CCDC9: variants seen among roughly 807,000 people sequenced by gnomAD.
CCDC9 encodes the protein coiled-coil domain containing 9, also known as coiled-coil domain-containing protein 9.
CCDC9 carries 52 observed loss-of-function variants against 65.6 expected under a neutral mutation model. The ratio of observed to expected loss-of-function variants is 0.79; its 90% confidence interval spans 0.63 to 1.00. The LOEUF (loss-of-function observed/expected upper bound fraction) is 1.00. Among genes scored for constraint, CCDC9 ranks in the 50% least tolerant of loss-of-function variants. The pLI, the probability that CCDC9 is intolerant of heterozygous loss-of-function variation, is 0.00. For missense variants in CCDC9, 834 were observed against 757.2 expected (o/e 1.10, Z -1.19); for synonymous variants, 332 against 280.3 (o/e 1.18, Z -1.84).
At chr19:47,257,010 CAATGGCGGGGGCGGGGCCACAATGT>C (rs1460404709) in intron 1 of CCDC9, among the ~76,000 whole-genome samples, 1 of 129,070 alleles carries the variant, frequency 7.7e-6, no homozygotes, top group Non-Finnish European at 1.6e-5. Context: ...GAGGCTGACG[CAATGGCGGGGGCGGGGCCACAATGT>C]AGTGGGGGAG....
chr19:47,266,601 TG>T lies in CCDC9; in HGVS notation c.721-4del. ...GACATCACCCTGACTCCCTGTGGGC[TG>T]GGGGGCAGGGCCGCCGAGCTGGCCT... is the stretch of plus-strand genomic sequence containing the variant. On this transcript the variant is annotated splice_polypyrimidine_tract_variant and intron_variant, in intron 7 of 11. Coordinates refer to ENST00000221922, the MANE Select transcript of CCDC9 (RefSeq NM_015603.3). 7 of 1,514,826 alleles carry T rather than the reference TG, an allele frequency of 4.6e-6. No individual in the cohort carries two copies. The highest frequency in any genetic ancestry group is 2.5e-5 in the East Asian group (1 of 40,642). The allele number at this position is 1,514,826 out of a possible 1,614,324, so 93.8% of individuals were successfully genotyped here. A position where few individuals can be genotyped will look rare whatever the true frequency, so the allele number is the denominator to read the frequency against.
chr19:47,269,970 CTTTG>C (rs1002244181), intron 8 of CCDC9, among the ~76,000 whole-genome samples: 2 of 151,064 alleles, frequency 1.3e-5, no homozygotes, highest in South Asian at 2.1e-4. Context: ...TGGTCCTATC[CTTTG>C]TTTTTTTTTT....
At chr19:47,265,064 C>CT (rs201113712) in intron 7 of CCDC9, 118 bp downstream of exon 7, 88,403 of 645,350 alleles carry the variant, frequency 0.14, 1,540 homozygotes, top group South Asian at 0.2. Flanking sequence ...CAGCACAGGA[C>CT]TTTTTTTTTT....
chr19:47,257,096 A>G (rs955040977), intron 1 of CCDC9, among the ~76,000 whole-genome samples: 4 of 144,274 alleles, frequency 2.8e-5, no homozygotes, highest in Non-Finnish European at 4.5e-5. Context: ...GTGGAGCCAG[A>G]AAGTTTCGTC....
intron 3 of CCDC9, among the ~76,000 whole-genome samples, chr19:47,259,772 C>G (rs536048462): frequency 2.6e-5 from 4 of 152,184 alleles, no homozygotes; most frequent in South Asian, 2.1e-4. Flanking sequence ...CAGATTCTGC[C>G]GTAGTGGAGG....
At chr19:47,272,322 G>C (rs2059129317), downstream of CCDC9, among the ~76,000 whole-genome samples, 1 of 151,976 alleles carries the variant, frequency 6.6e-6, no homozygotes. Flanking sequence ...TGGGGGGCTG[G>C]AGCCGGGTGG....
chr19:47,258,529 T>G (rs1568635297), intron 2 of CCDC9, 30 bp from the exon 3 acceptor site: 1 of 1,601,132 alleles, frequency 6.2e-7, no homozygotes. Flanking sequence ...AGGTTTTTCC[T>G]TCCATCCCTC....
At chr19:47,267,338 G>A (rs1264254259) in intron 8 of CCDC9, among the ~76,000 whole-genome samples, 1 of 152,030 alleles carries the variant, frequency 6.6e-6, no homozygotes, top group African/African-American at 2.4e-5. Context: ...GAGTGCAGTG[G>A]GAGGATCTCA....
At position 47,266,614 on chromosome 19, in the gene CCDC9, C is replaced by T. The variant is rs779926142; in HGVS notation, c.724C>T (p.Arg242Cys). Residue 242 changes from arginine to cysteine, a missense_variant, in exon 8 of 12, where the codon CGC (arginine) becomes TGC (cysteine). Physicochemically the swap from Arg to Cys is radical, Grantham distance 180 (BLOSUM62 -3). Transcript: ENST00000221922. ...RCGLEHERQG[R>C]RAGLGSAGDM... is the part of the protein sequence containing the mutation. ...CTCCCTGTGGGCTGGGGGGCAGGGC[C>T]GCCGAGCTGGCCTGGGCAGTGCTGG... The T allele has an allele frequency of 5.0e-5, 76 of 1,530,878 alleles. No homozygotes were observed. Among genetic ancestry groups the T allele is most frequent in the Admixed American group, 2.0e-5 (1 of 49,994 alleles). The allele number at this position is 1,530,878 out of a possible 1,614,324, so 94.8% of individuals were successfully genotyped here.
chr19:47,266,914 A>G, intron 8 of CCDC9, 122 bp downstream of exon 8: 1 of 1,192,338 alleles, frequency 8.4e-7, no homozygotes, highest in East Asian at 2.7e-5. Context: ...AAGTATCCTG[A>G]GATGCCATGG....
intron 7 of CCDC9, chr19:47,266,178 G>A (rs12459504): frequency 0.027 from 4,219 of 154,366 alleles, 77 homozygotes; most frequent in Non-Finnish European, 0.042. Context: ...TGTATTTTTA[G>A]TAGAGACAGG....
Position 47,260,069 on chromosome 19 carries a change from G to A in CCDC9, c.109-252G>A, listed in dbSNP as rs546255855. ...TGGGGAGAGGGTGAGAGATGAGGTC[G>A]GGGAGGTACCAAGGCCAGACCCCAC... On this transcript the variant is annotated intron_variant, in intron 3 of 11. Coordinates refer to ENST00000221922, the MANE Select transcript of CCDC9 (RefSeq NM_015603.3). Among the ~76,000 whole-genome samples, 636 of 152,266 alleles carry A rather than the reference G, an allele frequency of 4.2e-3. 6 individuals are homozygous for A. The highest frequency in any genetic ancestry group is 0.014 in the African/African-American group (593 of 41,530).
At chr19:47,272,295 G>C (rs1251184993), downstream of CCDC9, 6 of 591,908 alleles carry the variant, frequency 1.0e-5, no homozygotes, top group Admixed American at 2.2e-4. Context: ...GGTGAAAAGG[G>C]TGAGCTCGGA....
At chr19:47,261,046 C>G (rs937774828) in intron 5 of CCDC9, among the ~76,000 whole-genome samples, 4 of 152,040 alleles carry the variant, frequency 2.6e-5, no homozygotes, top group African/African-American at 9.7e-5. Context: ...TTCCTTCCCT[C>G]TCACGCCTAG....
At chr19:47,273,420 AGGT>A, downstream of CCDC9, 6 of 1,231,048 alleles carry the variant, frequency 4.9e-6, no homozygotes, top group Non-Finnish European at 6.1e-6. Flanking sequence ...CGTTTCTGCA[AGGT>A]GGTGGCGGCC....
At position 47,264,948 on chromosome 19, in the gene CCDC9, T is replaced by A. The variant is rs777635498; in HGVS notation, c.720+2T>A. 1.4e-6 allele frequency: 2 copies of A among 1,441,784 alleles called. No homozygotes were observed. The highest frequency in any genetic ancestry group is 1.8e-6 in the Non-Finnish European group (2 of 1,101,530). The allele number at this position is 1,441,784 out of a possible 1,614,324, so 89.3% of individuals were successfully genotyped here. A position where few individuals can be genotyped will look rare whatever the true frequency, so the allele number is the denominator to read the frequency against. Reference sequence around the variant, plus strand: ...TGTGGCCTTGAGCACGAGCGGCAGGTGGGTGTTGGCAGTGAGGACACCTCG... The same window carrying A: ...TGTGGCCTTGAGCACGAGCGGCAGGAGGGTGTTGGCAGTGAGGACACCTCG... On this transcript the variant is annotated splice_donor_variant, in intron 7 of 11. Transcript: ENST00000221922. LOFTEE classifies it high-confidence loss of function.
chr19:47,270,362 A>G, intron 8 of CCDC9, 45 bp from the exon 9 acceptor site: 1 of 1,596,448 alleles, frequency 6.3e-7, no homozygotes, highest in Non-Finnish European at 8.6e-7. Context: ...TCCTCTTGTT[A>G]CCCTGTTCCC....
Position 47,258,422 on chromosome 19 carries a change from G to T in CCDC9, c.3+19G>T. Reference sequence around the variant, plus strand: ...CGAAATGGTGAGGCTGAAAAATGGGGTCTCTAGAATCTGAGTTTTGGGGAA... The same window carrying T: ...CGAAATGGTGAGGCTGAAAAATGGGTTCTCTAGAATCTGAGTTTTGGGGAA... On this transcript the variant is annotated intron_variant, in intron 2 of 11. Transcript: ENST00000221922. The T allele has an allele frequency of 6.2e-6, 10 of 1,614,062 alleles. No homozygotes were observed. Among genetic ancestry groups the T allele is most frequent in the South Asian group, 1.1e-5 (1 of 91,084 alleles).
chr19:47,261,131 C>T (rs576408475), intron 5 of CCDC9, among the ~76,000 whole-genome samples: 1 of 152,008 alleles, frequency 6.6e-6, no homozygotes, highest in Admixed American at 6.6e-5. Context: ...CGCCTTCCTT[C>T]CCTCCCCTCT....
Sources: gnomAD v4.1 joint callset for allele counts (sites outside exome capture counted in the v4.1 genomes callset) on GRCh38, gnomAD v4.1.1 for gene constraint, MANE v1.5 for transcripts, NCBI Gene and HGNC (gene_info 2026-07-23, HGNC 2026-07-21) for gene names.